TRAPPC9: variants seen among roughly 807,000 people sequenced by gnomAD.
TRAPPC9 encodes IKK2 binding protein.
A neutral mutation model predicts 124.0 loss-of-function variants in TRAPPC9; 83 were observed. That is an observed-to-expected ratio of 0.67 (90% CI 0.56 to 0.80). TRAPPC9 has a LOEUF of 0.80. Among genes scored for constraint, TRAPPC9 ranks in the 30% least tolerant of loss-of-function variants. TRAPPC9 has a pLI of 0.00. For synonymous variants in TRAPPC9, 638 were observed against 617.5 expected (o/e 1.03, Z -0.49); for missense variants, 1,302 against 1,508.3 (o/e 0.86, Z 2.27).
chr8:140,345,030 C>A (rs753184669), intron 9 of TRAPPC9, among the ~76,000 whole-genome samples: 38 of 152,250 alleles, frequency 2.5e-4, no homozygotes, highest in Non-Finnish European at 4.8e-4. Context: ...GCAGGGGCAC[C>A]CTGCGCCCTG....
At chr8:139,810,485 A>C (rs768434529) in intron 21 of TRAPPC9, among the ~76,000 whole-genome samples, 94 of 152,306 alleles carry the variant, frequency 6.2e-4, no homozygotes, top group Non-Finnish European at 1.1e-3. Context: ...GAGTGTTTAC[A>C]TCTCAGAAAC....
At chr8:140,227,134 G>A (rs1462559395) in intron 16 of TRAPPC9, among the ~76,000 whole-genome samples, 3 of 152,182 alleles carry the variant, frequency 2.0e-5, no homozygotes, top group Admixed American at 6.5e-5. Flanking sequence ...CAGGAACAGA[G>A]CTGGAGAGAA....
At chr8:139,883,363 T>C (rs1187304349) in intron 21 of TRAPPC9, among the ~76,000 whole-genome samples, 3 of 152,224 alleles carry the variant, frequency 2.0e-5, no homozygotes, top group African/African-American at 7.2e-5. Flanking sequence ...TATTCTGCTA[T>C]AAGCAACAGA....
chr8:140,455,816 A>G (rs1384127293), intron 1 of TRAPPC9, among the ~76,000 whole-genome samples: 1 of 152,200 alleles, frequency 6.6e-6, no homozygotes, highest in African/African-American at 2.4e-5. Flanking sequence ...AAATCTATAC[A>G]ATGGAATATT....
At chr8:139,803,332 T>G (rs547776753) in intron 21 of TRAPPC9, among the ~76,000 whole-genome samples, 237 of 152,372 alleles carry the variant, frequency 1.6e-3, no homozygotes, top group African/African-American at 5.5e-3. Context: ...TCCTGCAGCC[T>G]GCCCTGCCCT....
chr8:140,381,667 CAAAAAAAAAAAAA>C lies in TRAPPC9; in HGVS notation c.1135-10500_1135-10488del, dbSNP rs56659960. 2.5e-4 allele frequency among the ~76,000 whole-genome samples: 12 copies of C among 48,390 alleles called. No individual in the cohort carries two copies. The South Asian group carries it at 0.014, about 55-fold the overall frequency. 31.7% of individuals were successfully genotyped at this position (48,390 alleles called of 152,430 possible). On this transcript the variant is annotated intron_variant, in intron 7 of 22. Coordinates refer to ENST00000438773, the MANE Select transcript of TRAPPC9 (RefSeq NM_001160372.4). Reference sequence around the variant, plus strand: ...TGGACAACAGAGTGAGACTCTGTCTCAAAAAAAAAAAAAAAAAAAAAAAAGCACATGGGAAAAA... The same window carrying C: ...TGGACAACAGAGTGAGACTCTGTCTCAAAAAAAAAAAGCACATGGGAAAAA...
intron 17 of TRAPPC9, among the ~76,000 whole-genome samples, chr8:140,034,693 G>A (rs1840763086): frequency 6.6e-6 from 1 of 152,182 alleles, no homozygotes. Context: ...CTGTGCTCCA[G>A]GCACTGTGAG....
intron 2 of TRAPPC9, among the ~76,000 whole-genome samples, chr8:140,441,148 GT>G (rs2071003858): frequency 1.3e-5 from 2 of 150,576 alleles, no homozygotes; most frequent in African/African-American, 4.9e-5. Context: ...CTGGCTAATT[GT>G]TTTTTATTTT....
At chr8:139,800,807 C>T (rs1823452704) in intron 21 of TRAPPC9, among the ~76,000 whole-genome samples, 1 of 150,748 alleles carries the variant, frequency 6.6e-6, no homozygotes, top group Admixed American at 6.6e-5. Context: ...GGTATCTTTA[C>T]CTTCCCTCCC....
chr8:140,443,004 G>A (rs1175676405), intron 2 of TRAPPC9, among the ~76,000 whole-genome samples: 3 of 150,940 alleles, frequency 2.0e-5, no homozygotes, highest in South Asian at 2.1e-4. Flanking sequence ...ATGGTGGCAC[G>A]TGCCTGTAGT....
At chr8:140,383,173 C>G (rs1193992226) in intron 7 of TRAPPC9, among the ~76,000 whole-genome samples, 2 of 152,178 alleles carry the variant, frequency 1.3e-5, no homozygotes, top group Admixed American at 6.5e-5. Flanking sequence ...ATATCACCAT[C>G]ATCAAAGACC....
chr8:139,959,509 G>C (rs1226894574), intron 19 of TRAPPC9, among the ~76,000 whole-genome samples: 5 of 152,214 alleles, frequency 3.3e-5, no homozygotes, highest in Non-Finnish European at 7.3e-5. Flanking sequence ...CGTGGACCTT[G>C]AGCTGTTGGG....
In TRAPPC9 at chr8:140,293,076, A is replaced by G. The variant is rs186325512; in HGVS notation, c.1769-1998T>C. Among the ~76,000 whole-genome samples, 9 of 148,484 alleles carry G rather than the reference A, an allele frequency of 6.1e-5. 1 individual carries two copies. The highest frequency in any genetic ancestry group is 1.0e-4 in the Non-Finnish European group (7 of 67,556). ...CAAAGGAATCAACAGACACTTCTGA[A>G]AAGAAGACATTTATGCAGCCAAAAA... is the stretch of plus-strand genomic sequence containing the variant. On this transcript the variant is annotated intron_variant, in intron 11 of 22. Transcript: ENST00000438773.
In TRAPPC9 at chr8:140,239,047, GC is replaced by G. The variant is rs1307456828; in HGVS notation, c.2431+13729del. On this transcript the variant is annotated intron_variant, in intron 16 of 22. Transcript: ENST00000438773. Reference sequence around the variant, plus strand: ...GGAGCTCACTGGGAAGAGGGAGCAGGCCCCGGAGAAAGCTGCTCCTTGGAGC... The same window carrying G: ...GGAGCTCACTGGGAAGAGGGAGCAGGCCCGGAGAAAGCTGCTCCTTGGAGC... 2.6e-5 allele frequency among the ~76,000 whole-genome samples: 4 copies of G among 152,304 alleles called. No homozygotes were observed. The East Asian group carries it at 7.8e-4, about 30-fold the overall frequency.
chr8:139,885,153 G>A (rs1829922035), intron 21 of TRAPPC9, among the ~76,000 whole-genome samples: 1 of 152,212 alleles, frequency 6.6e-6, no homozygotes, highest in Non-Finnish European at 1.5e-5. Flanking sequence ...ATCCAAAATA[G>A]ATGAGCTGAT....
At chr8:139,824,462 T>G (rs1008004480) in intron 21 of TRAPPC9, among the ~76,000 whole-genome samples, 28 of 152,210 alleles carry the variant, frequency 1.8e-4, no homozygotes, top group Non-Finnish European at 3.7e-4. Flanking sequence ...GAAACCCACG[T>G]CTGAGCAGGG....
intron 17 of TRAPPC9, among the ~76,000 whole-genome samples, chr8:140,220,266 CA>C (rs1173733202): frequency 1.5e-4 from 23 of 152,260 alleles, no homozygotes; most frequent in African/African-American, 5.1e-4. Context: ...ATGAGACATG[CA>C]AAGAAAGTCT....
chr8:140,021,218 TTAAG>T (rs1839819497), intron 18 of TRAPPC9, among the ~76,000 whole-genome samples: 1 of 152,174 alleles, frequency 6.6e-6, no homozygotes, highest in South Asian at 2.1e-4. Context: ...TTTTTTGGGG[TTAAG>T]TATTTTTAAA....
chr8:140,431,546 A>G (rs2132581794), intron 4 of TRAPPC9, among the ~76,000 whole-genome samples: 1 of 152,342 alleles, frequency 6.6e-6, no homozygotes, highest in Admixed American at 6.5e-5. Context: ...TCAATGCCTT[A>G]GTAATTTCCA....
Sources: gnomAD v4.1 joint callset for allele counts (sites outside exome capture counted in the v4.1 genomes callset) on GRCh38, gnomAD v4.1.1 for gene constraint, MANE v1.5 for transcripts, NCBI Gene and HGNC (gene_info 2026-07-23, HGNC 2026-07-21) for gene names.